Variants in ADAM22 observed in about 807,000 individuals in gnomAD.
The protein encoded by ADAM22 is disintegrin and metalloproteinase domain-containing protein 22.
A neutral mutation model predicts 144.6 loss-of-function variants in ADAM22; 65 were observed. The observed-to-expected ratio is 0.45, with a 90% CI of 0.37 to 0.55. The LOEUF is 0.55. ADAM22 is among the 20% of genes least tolerant of loss of function. ADAM22 has a pLI of 0.00. For missense variants in ADAM22, 974 were observed against 1,184.9 expected (o/e 0.82, Z 2.61); for synonymous variants, 391 against 412.6 (o/e 0.95, Z 0.63).
At position 87,998,827 on chromosome 7, in the gene ADAM22, G is replaced by A. The variant is rs146863349; in HGVS notation, c.323+20415G>A. Among the ~76,000 whole-genome samples, 14 of 152,252 alleles carry A rather than the reference G, an allele frequency of 9.2e-5. No homozygotes were observed. The East Asian group carries it at 1.2e-3, about 13-fold the overall frequency. On this transcript the variant is annotated intron_variant, in intron 3 of 31. Transcript: ENST00000413139. ...GGACATCTTGAGAATTCTGCCTACC[G>A]TAATACATTAGACTATTTATAGTCT...
intron 22 of ADAM22, among the ~76,000 whole-genome samples, chr7:88,158,579 A>G (rs1840659240): frequency 6.6e-6 from 1 of 152,168 alleles, no homozygotes; most frequent in South Asian, 2.1e-4. Flanking sequence ...AGCACAATAC[A>G]AATAGAAATC....
At chr7:87,957,953 C>A in intron 2 of ADAM22, among the ~76,000 whole-genome samples, 1 of 152,076 alleles carries the variant, frequency 6.6e-6, no homozygotes, top group Non-Finnish European at 1.5e-5. Flanking sequence ...ATTTAAATGT[C>A]TATCTTTTAT....
At chr7:88,098,133 T>A (rs1013971640) in intron 4 of ADAM22, among the ~76,000 whole-genome samples, 1 of 152,198 alleles carries the variant, frequency 6.6e-6, no homozygotes, top group African/African-American at 2.4e-5. Context: ...CTCTCGACTA[T>A]TCTGTTACAA....
rs1219225144 is a variant in ADAM22, at chr7:88,113,687, T to TATAAATAA, written c.474-885_474-878dup. 5.3e-3 allele frequency among the ~76,000 whole-genome samples: 366 copies of TATAAATAA among 68,990 alleles called. 21 individuals carry two copies. The highest frequency in any genetic ancestry group is 0.027 in the Admixed American group (131 of 4,932). The allele number at this position is 68,990 out of a possible 152,430, so 45.3% of individuals were successfully genotyped here. On this transcript the variant is annotated intron_variant, in intron 5 of 31. Coordinates refer to ENST00000413139, the MANE Select transcript of ADAM22 (RefSeq NM_001324418.2). ...GTATATATATATATAATATATATAT[T>TATAAATAA]ATAAATAAATAAATAAATATATATA...
At chr7:88,019,857 A>ATGTGTGTGTGTGTG (rs35909431) in intron 3 of ADAM22, among the ~76,000 whole-genome samples, 3 of 138,942 alleles carry the variant, frequency 2.2e-5, no homozygotes, top group East Asian at 4.2e-4. Flanking sequence ...CTCAAAAAAT[A>ATGTGTGTGTGTGTG]TGTGTGTGTG....
intron 3 of ADAM22, among the ~76,000 whole-genome samples, chr7:88,073,459 C>T (rs1813371260): frequency 6.6e-6 from 1 of 152,134 alleles, no homozygotes; most frequent in African/African-American, 2.4e-5. Flanking sequence ...GTGAGCCAAC[C>T]CTGGAACTGC....
At chr7:88,017,294 A>G (rs1272588368) in intron 3 of ADAM22, among the ~76,000 whole-genome samples, 1 of 152,172 alleles carries the variant, frequency 6.6e-6, no homozygotes, top group East Asian at 1.9e-4. Context: ...AACACAAAGA[A>G]ATGGCAAATG....
intron 3 of ADAM22, among the ~76,000 whole-genome samples, chr7:88,047,994 G>T (rs1805133317): frequency 6.6e-6 from 1 of 151,994 alleles, no homozygotes; most frequent in African/African-American, 2.4e-5. Context: ...AAAAATGGAA[G>T]TTTCTTGAAC....
chr7:88,179,284 C>A (rs920054553), intron 27 of ADAM22, among the ~76,000 whole-genome samples, 155 bp downstream of exon 27: 6 of 152,150 alleles, frequency 3.9e-5, no homozygotes, highest in Admixed American at 3.9e-4. Flanking sequence ...AACTCTGAAT[C>A]TATATAGAAA....
chr7:88,096,373 T>C (rs1431042138), intron 4 of ADAM22, among the ~76,000 whole-genome samples: 1 of 151,854 alleles, frequency 6.6e-6, no homozygotes, highest in Non-Finnish European at 1.5e-5. Flanking sequence ...TTTAGTTAAA[T>C]ATTTAATTTG....
chr7:87,996,110 T>G (rs945077337), intron 3 of ADAM22, among the ~76,000 whole-genome samples: 2 of 152,174 alleles, frequency 1.3e-5, no homozygotes, highest in African/African-American at 4.8e-5. Context: ...CACCAGGTTA[T>G]TGGGATTTTA....
intron 4 of ADAM22, among the ~76,000 whole-genome samples, chr7:88,093,292 A>G (rs1027189789): frequency 2.6e-5 from 4 of 152,294 alleles, no homozygotes; most frequent in African/African-American, 7.2e-5. Flanking sequence ...AGCAAAAAAA[A>G]AAAATCACAA....
At chr7:88,051,603 T>C (rs1470886284) in intron 3 of ADAM22, among the ~76,000 whole-genome samples, 1 of 151,926 alleles carries the variant, frequency 6.6e-6, no homozygotes, top group African/African-American at 2.4e-5. Flanking sequence ...CTAATGTAAA[T>C]GACGAGTTAG....
At position 88,148,997 on chromosome 7, in the gene ADAM22, G is replaced by A. The variant is rs200402145; in HGVS notation, c.1506G>A (p.Val502=). 83 of 1,611,960 alleles carry A rather than the reference G, an allele frequency of 5.1e-5. No homozygotes were observed. Among genetic ancestry groups the A allele is most frequent in the Non-Finnish European group, 6.7e-5 (79 of 1,178,688 alleles). Residue 502 remains valine, a synonymous_variant, in exon 18 of 32, where the codon GTG becomes GTA. Transcript: ENST00000413139. ...KKCKFQPMGT[V]CREAVNDCDI... Reference sequence around the variant, plus strand: ...TTTAGTTTCAGCCTATGGGCACTGTGTGCCGAGAAGCAGTAAATGATTGTG... The same window carrying A: ...TTTAGTTTCAGCCTATGGGCACTGTATGCCGAGAAGCAGTAAATGATTGTG...
chr7:88,191,114 G>C (rs139695279), intron 30 of ADAM22, among the ~76,000 whole-genome samples: 12 of 152,280 alleles, frequency 7.9e-5, no homozygotes, highest in East Asian at 7.7e-4. Context: ...TGTAACTAGC[G>C]TGTTATTTTA....
At chr7:88,012,726 T>A (rs991944546) in intron 3 of ADAM22, among the ~76,000 whole-genome samples, 4 of 152,118 alleles carry the variant, frequency 2.6e-5, no homozygotes. Flanking sequence ...ATTTAATGAT[T>A]AAATCTCAGT....
chr7:87,994,889 G>A (rs916728259), intron 3 of ADAM22, among the ~76,000 whole-genome samples: 8 of 151,830 alleles, frequency 5.3e-5, no homozygotes, highest in Non-Finnish European at 7.4e-5. Context: ...GTGCAGTGGC[G>A]CGATCTCCGC....
rs759367572 is a variant in ADAM22, at chr7:88,165,966, A to T, written c.2191+20A>T. On this transcript the variant is annotated intron_variant, in intron 24 of 31. Coordinates refer to ENST00000413139, the MANE Select transcript of ADAM22 (RefSeq NM_001324418.2). Reference sequence around the variant, plus strand: ...GCAATGGTAAGTACTTAATTTGGTAACATTATGTAGTCTTTATACACAAAG... The same window carrying T: ...GCAATGGTAAGTACTTAATTTGGTATCATTATGTAGTCTTTATACACAAAG... The T allele has an allele frequency of 6.4e-6, 10 of 1,573,588 alleles. No homozygotes were observed. The highest frequency in any genetic ancestry group is 7.8e-6 in the Non-Finnish European group (9 of 1,151,714).
At chr7:88,156,336 T>G (rs1839952878) in intron 22 of ADAM22, among the ~76,000 whole-genome samples, 2 of 152,142 alleles carry the variant, frequency 1.3e-5, no homozygotes, top group African/African-American at 4.8e-5. Flanking sequence ...TTTTGCTCCC[T>G]TATGAAATCT....
Sources: gnomAD v4.1 joint callset for allele counts (sites outside exome capture counted in the v4.1 genomes callset) on GRCh38, gnomAD v4.1.1 for gene constraint, MANE v1.5 for transcripts, NCBI Gene and HGNC (gene_info 2026-07-23, HGNC 2026-07-21) for gene names.